Variants in DCAF17 observed in about 807,000 individuals in gnomAD.
DCAF17 encodes DDB1 and CUL4 associated factor 17, also known as DDB1- and CUL4-associated factor 17.
Under a neutral mutation model 66.0 loss-of-function variants are expected in DCAF17, and 48 were observed. The observed-to-expected ratio is 0.73, with a 90% CI of 0.58 to 0.92. The LOEUF is 0.92. DCAF17 is among the 40% of genes least tolerant of loss of function. The pLI, the probability that DCAF17 is intolerant of heterozygous loss-of-function variation, is 0.00. For synonymous variants in DCAF17, 206 were observed against 214.6 expected, an observed-to-expected ratio of 0.96 and a Z score of 0.35; for missense variants, 562 against 622.8, an observed-to-expected ratio of 0.90 and a Z score of 1.04.
Position 171,434,454 on chromosome 2 carries a change from T to A in DCAF17, c.-124T>A. 6.7e-7 allele frequency: 1 copy of A among 1,498,444 alleles called. No homozygotes were observed. Among genetic ancestry groups the A allele is most frequent in the South Asian group, 1.2e-5 (1 of 82,590 alleles). The allele number at this position is 1,498,444 out of a possible 1,614,324, so 92.8% of individuals were successfully genotyped here. A position where few individuals can be genotyped will look rare whatever the true frequency, so the allele number is the denominator to read the frequency against. The stretch of plus-strand genomic sequence containing the variant: ...CCCTGCCCGCCTCCCCGTGTCAGCT[T>A]TCCCTGGGCCCCGCCGGGAAAGTCT... On this transcript the variant is annotated 5_prime_UTR_variant, in exon 1 of 14. Coordinates refer to ENST00000375255, the MANE Select transcript of DCAF17 (RefSeq NM_025000.4).
At chr2:171,441,331 G>A (rs1274478545) in intron 2 of DCAF17, among the ~76,000 whole-genome samples, 1 of 152,192 alleles carries the variant, frequency 6.6e-6, no homozygotes, top group Non-Finnish European at 1.5e-5. Context: ...TACTCTAGAA[G>A]CTGCGCACTT....
rs147416458 is a variant in DCAF17 at position 171,467,455 on chromosome 2, G to A, written c.839-1433G>A. On this transcript the variant is annotated intron_variant, in intron 8 of 13. Transcript: ENST00000375255. ...TGTAATCCAAGCACTTTGGGAGGCC[G>A]AGGCAGGCGGATCGCTTGTGGCCAG... is the stretch of plus-strand genomic sequence containing the variant. 3.3e-3 allele frequency among the ~76,000 whole-genome samples: 507 copies of A among 152,148 alleles called. 4 individuals carry two copies. Among genetic ancestry groups the A allele is most frequent in the East Asian group, 0.017 (86 of 5,176 alleles).
intron 6 of DCAF17, among the ~76,000 whole-genome samples, chr2:171,457,474 TG>T (rs1209630305): frequency 6.6e-6 from 1 of 152,200 alleles, no homozygotes; most frequent in Non-Finnish European, 1.5e-5. Context: ...TATTGTTACT[TG>T]GGATTGAAGA....
Position 171,482,500 on chromosome 2 carries a change from C to T in DCAF17, c.*1386C>T, listed in dbSNP as rs1272860414. 3 of 453,856 alleles carry T rather than the reference C, an allele frequency of 6.6e-6. No homozygotes were observed. Among genetic ancestry groups the T allele is most frequent in the South Asian group, 1.6e-5 (1 of 64,470 alleles). The allele number at this position is 453,856 out of a possible 1,614,324, so 28.1% of individuals were successfully genotyped here. On this transcript the variant is annotated 3_prime_UTR_variant, in exon 14 of 14. Transcript: ENST00000375255. ...TAAATAGTCCCACTCAGTAAACTTA[C>T]ATCTTGAAAAACAAGACCAGTAAGA...
At position 171,434,613 on chromosome 2, in the gene DCAF17, G is replaced by A. The variant is rs1162394966; in HGVS notation, c.36G>A (p.Arg12=). The A allele has an allele frequency of 1.3e-6, 2 of 1,529,746 alleles. No homozygotes were observed. Among genetic ancestry groups the A allele is most frequent in the East Asian group, 2.5e-5 (1 of 40,118 alleles). 94.8% of individuals were successfully genotyped at this position (1,529,746 alleles called of 1,614,324 possible). A position where few individuals can be genotyped will look rare whatever the true frequency, so the allele number is the denominator to read the frequency against. ...CCCGGAAGCCCAACGTGTGCAGCCG[G>A]CTGAGTCGCCGGGCGCTGGGCTGCT... ...GPTRKPNVCS[R]LSRRALGCFS... is the part of the protein sequence containing the mutation. The change falls in exon 1 of 14, where the codon CGG becomes CGA. Residue 12 remains arginine, a synonymous_variant. Coordinates refer to ENST00000375255, the MANE Select transcript of DCAF17 (RefSeq NM_025000.4).
intron 5 of DCAF17, among the ~76,000 whole-genome samples, chr2:171,451,028 T>C (rs1694922047): frequency 1.3e-5 from 2 of 151,414 alleles, no homozygotes; most frequent in Non-Finnish European, 2.9e-5. Context: ...GAAGTTTATA[T>C]AGAACTCTAG....
At chr2:171,472,851 A>G in intron 9 of DCAF17, 1 of 298,250 alleles carries the variant, frequency 3.4e-6, no homozygotes, top group Non-Finnish European at 6.9e-6. Flanking sequence ...GAAATATGGC[A>G]TCATTTCATT....
intron 9 of DCAF17, among the ~76,000 whole-genome samples, chr2:171,469,720 A>G (rs184132913): frequency 2.6e-5 from 4 of 152,220 alleles, no homozygotes; most frequent in Admixed American, 2.6e-4. Context: ...GATGCAATGT[A>G]TTAAGTACAG....
intron 5 of DCAF17, among the ~76,000 whole-genome samples, chr2:171,450,389 T>C (rs1244226446): frequency 6.6e-6 from 1 of 151,970 alleles, no homozygotes; most frequent in African/African-American, 2.4e-5. Context: ...TGAAATAAAA[T>C]AATAATAAAA....
chr2:171,461,894 A>G (rs1695607881), intron 8 of DCAF17, among the ~76,000 whole-genome samples: 1 of 152,122 alleles, frequency 6.6e-6, no homozygotes, highest in African/African-American at 2.4e-5. Context: ...GGAGTTTTAT[A>G]TTAATGAAAT....
chr2:171,483,881 A>T lies in DCAF17; in HGVS notation c.*2767A>T, dbSNP rs1022315829. The stretch of plus-strand genomic sequence containing the variant: ...GGAAACATAACCAGATTTGTTCGGC[A>T]TGAACTTGTGCCAAATTTCCTCCAA... On this transcript the variant is annotated 3_prime_UTR_variant, in exon 14 of 14. Transcript: ENST00000375255. The T allele has an allele frequency of 2.2e-6, 1 of 453,980 alleles. No individual in the cohort carries two copies. The highest frequency in any genetic ancestry group is 4.4e-6 in the Non-Finnish European group (1 of 226,800). The allele number at this position is 453,980 out of a possible 1,614,324, so 28.1% of individuals were successfully genotyped here.
rs202090752 is a variant in DCAF17 at position 171,438,170 on chromosome 2, TTA to T, written c.230+2986_230+2987del. Reference sequence around the variant, plus strand: ...CTCCAAATATATTGGGATTTTCCAGTTATCATTGTTTTATTGATTTGTGGTTT... The same window carrying T: ...CTCCAAATATATTGGGATTTTCCAGTTCATTGTTTTATTGATTTGTGGTTT... On this transcript the variant is annotated intron_variant, in intron 2 of 13. Coordinates refer to ENST00000375255, the MANE Select transcript of DCAF17 (RefSeq NM_025000.4). Among the ~76,000 whole-genome samples, 736 of 152,374 alleles carry T rather than the reference TTA, an allele frequency of 4.8e-3. 3 individuals are homozygous for T. The highest frequency in any genetic ancestry group is 0.017 in the African/African-American group (706 of 41,592).
Position 171,484,767 on chromosome 2 carries a change from A to G in DCAF17, c.*3653A>G, listed in dbSNP as rs1298308861. The stretch of plus-strand genomic sequence containing the variant: ...TCTATCCCCTCCCCACCCCTCAGGT[A>G]TAACTACTGTTCTCATTCTTTTATA... On this transcript the variant is annotated 3_prime_UTR_variant, in exon 14 of 14. Transcript: ENST00000375255. The G allele has an allele frequency of 2.2e-6, 1 of 453,904 alleles. No individual in the cohort carries two copies. The highest frequency in any genetic ancestry group is 2.0e-5 in the African/African-American group (1 of 49,976). 28.1% of individuals were successfully genotyped at this position (453,904 alleles called of 1,614,324 possible).
At chr2:171,455,088 G>A (rs1695176775) in intron 6 of DCAF17, among the ~76,000 whole-genome samples, 1 of 151,636 alleles carries the variant, frequency 6.6e-6, no homozygotes, top group Non-Finnish European at 1.5e-5. Flanking sequence ...TCAGGTTTAA[G>A]CCTAATATCT....
chr2:171,438,915 TA>T (rs1198308298), intron 2 of DCAF17, among the ~76,000 whole-genome samples: 1 of 152,016 alleles, frequency 6.6e-6, no homozygotes. Flanking sequence ...TTTTTAGAGA[TA>T]GGGGTCTCAG....
chr2:171,458,916 A>G lies in DCAF17; in HGVS notation c.838+439A>G, dbSNP rs532795086. Among the ~76,000 whole-genome samples the G allele has an allele frequency of 3.3e-5, 5 of 152,248 alleles. No individual in the cohort carries two copies. In the East Asian group the frequency reaches 9.6e-4, roughly 29 times the overall value. ...TTAGACACAGACAGAACTTCCCAGT[A>G]TACTTAAAGAGTGCCAAATCACAAA... On this transcript the variant is annotated intron_variant, in intron 8 of 13. Transcript: ENST00000375255.
At chr2:171,444,760 A>G (rs1694518488) in intron 3 of DCAF17, among the ~76,000 whole-genome samples, 2 of 152,212 alleles carry the variant, frequency 1.3e-5, no homozygotes, top group Admixed American at 6.5e-5. Context: ...GGAACTCATA[A>G]TATGTGACCA....
Position 171,435,100 on chromosome 2 carries a change from G to C in DCAF17, c.144G>C (p.Lys48Asn), listed in dbSNP as rs781747388. 3.2e-5 allele frequency: 52 copies of C among 1,608,666 alleles called. No homozygotes were observed. The highest frequency in any genetic ancestry group is 4.0e-5 in the Non-Finnish European group (47 of 1,175,424). ...ALVCQESTKF[K>N]NVWTTHSRSP... ...TCTTTTAGGAAAGTACTAAATTTAAGAATGTCTGGACAACTCATTCCAGGT... is the reference window on the plus strand; with the variant it reads ...TCTTTTAGGAAAGTACTAAATTTAACAATGTCTGGACAACTCATTCCAGGT... The change falls in exon 2 of 14, where the codon AAG becomes AAC. Residue 48 changes from lysine to asparagine, a missense_variant. By Grantham distance (94) the Lys-to-Asn change is moderately conservative. Coordinates refer to ENST00000375255, the MANE Select transcript of DCAF17 (RefSeq NM_025000.4).
intron 3 of DCAF17, among the ~76,000 whole-genome samples, chr2:171,446,657 AG>A (rs1412813980): frequency 3.9e-5 from 6 of 152,192 alleles, no homozygotes; most frequent in Admixed American, 1.3e-4. Context: ...TTAATATCTC[AG>A]GGTTCTTTTT....
Sources: allele counts gnomAD v4.1 joint callset (sites outside exome capture counted in the v4.1 genomes callset), GRCh38; gene constraint gnomAD v4.1.1; transcripts MANE v1.5; gene names NCBI Gene and HGNC (gene_info 2026-07-23, HGNC 2026-07-21).